Variants in VPS53 observed in about 807,000 individuals in gnomAD.
The protein encoded by VPS53 is VPS53 subunit of GARP complex.
In VPS53, 70 loss-of-function variants were observed where a neutral mutation model predicts 107.0. The ratio of observed to expected loss-of-function variants is 0.65; its 90% confidence interval spans 0.54 to 0.80. The LOEUF (loss-of-function observed/expected upper bound fraction) is 0.80. Among genes scored for constraint, VPS53 ranks in the 30% least tolerant of loss-of-function variants. VPS53 has a pLI of 0.00. For synonymous variants in VPS53, 409 were observed against 393.3 expected (o/e 1.04, Z -0.47); for missense variants, 917 against 1,049.4 (o/e 0.87, Z 1.74).
intron 18 of VPS53, among the ~76,000 whole-genome samples, chr17:535,843 C>G (rs1910017109): frequency 6.6e-6 from 1 of 152,138 alleles, no homozygotes; most frequent in African/African-American, 2.4e-5. Flanking sequence ...CCACAAGCCG[C>G]TCCATAATTG....
At chr17:546,979 A>C (rs1301182564) in intron 17 of VPS53, among the ~76,000 whole-genome samples, 2 of 144,488 alleles carry the variant, frequency 1.4e-5, no homozygotes, top group East Asian at 4.1e-4. Flanking sequence ...GGTTCAAGCC[A>C]TTCTCCTGTC....
At chr17:609,746 A>G (rs1490395686) in intron 11 of VPS53, among the ~76,000 whole-genome samples, 2 of 152,234 alleles carry the variant, frequency 1.3e-5, no homozygotes, top group Non-Finnish European at 2.9e-5. Flanking sequence ...TGTCGTAAGA[A>G]AATCATCTCA....
Position 521,605 on chromosome 17 carries a change from A to C in VPS53, c.2219T>G (p.Leu740Arg). ...VKGMTRAEMI[L>R]KVVMAPHEPL... ...CCTTTTAACACAAGCCATCACCTTG[A>C]GGATCATCTCAGCCCGGGTCATGCC... The change falls in exon 20 of 22, where the codon CTC becomes CGC. Residue 740 changes from leucine (L) to arginine (R), a missense_variant. Leu to Arg is a moderately radical substitution (Grantham distance 102). Coordinates refer to ENST00000437048, the MANE Select transcript of VPS53 (RefSeq NM_001128159.3). 6.5e-7 allele frequency: 1 copy of C among 1,542,366 alleles called. No homozygotes were observed.
intron 12 of VPS53, among the ~76,000 whole-genome samples, chr17:592,067 T>G (rs1389999439): frequency 6.6e-6 from 1 of 152,208 alleles, no homozygotes; most frequent in Non-Finnish European, 1.5e-5. Flanking sequence ...TTTATGAATC[T>G]GGGTGCTCCT....
At chr17:625,113 C>G (rs1969645674) in intron 10 of VPS53, among the ~76,000 whole-genome samples, 1 of 151,830 alleles carries the variant, frequency 6.6e-6, no homozygotes, top group Admixed American at 6.6e-5. Flanking sequence ...CTCAGCCTCT[C>G]TAGTAGCTGG....
At chr17:656,699 AATGTGT>A (rs754390654) in intron 5 of VPS53, 12 of 495,646 alleles carry the variant, frequency 2.4e-5, no homozygotes, top group South Asian at 6.6e-5. Context: ...CTGACTAAGA[AATGTGT>A]GTGTGTGTGT....
intron 4 of VPS53, among the ~76,000 whole-genome samples, chr17:680,804 C>T (rs947074015): frequency 6.6e-6 from 1 of 152,174 alleles, no homozygotes; most frequent in African/African-American, 2.4e-5. Flanking sequence ...TGAACAGATA[C>T]ACTATGTAAA....
chr17:589,155 T>C (rs1259948377), intron 12 of VPS53, among the ~76,000 whole-genome samples: 1 of 151,966 alleles, frequency 6.6e-6, no homozygotes, highest in East Asian at 1.9e-4. Context: ...TAATTATACA[T>C]GTGAATTTAC....
At chr17:706,772 C>A (rs1973419679) in intron 2 of VPS53, among the ~76,000 whole-genome samples, 1 of 152,038 alleles carries the variant, frequency 6.6e-6, no homozygotes, top group South Asian at 2.1e-4. Context: ...TACTTTCATG[C>A]CCTCAGGTAC....
chr17:515,003 T>G lies in VPS53; in HGVS notation c.*4125A>C, dbSNP rs1236609282. ...AGTCCACACAGGATGTTCTCTGGCC[T>G]GGACACCGCTAAGCCAGCTTTCAGA... On this transcript the variant is annotated 3_prime_UTR_variant, in exon 22 of 22. Transcript: ENST00000437048. The G allele has an allele frequency of 1.3e-5, 2 of 152,240 alleles. No homozygotes were observed. The highest frequency in any genetic ancestry group is 4.8e-5 in the African/African-American group (2 of 41,444). 9.4% of individuals were successfully genotyped at this position (152,240 alleles called of 1,614,324 possible).
intron 15 of VPS53, among the ~76,000 whole-genome samples, chr17:556,542 T>C (rs1597294172): frequency 1.3e-5 from 2 of 152,294 alleles, no homozygotes; most frequent in East Asian, 1.9e-4. Flanking sequence ...TGTGGTTTGA[T>C]TGTGTTCTCC....
intron 2 of VPS53, among the ~76,000 whole-genome samples, chr17:709,884 C>T (rs1159295088): frequency 1.3e-5 from 2 of 152,150 alleles, no homozygotes; most frequent in African/African-American, 4.8e-5. Flanking sequence ...CAGTGGCTCA[C>T]GCCTGTAATC....
At chr17:702,168 C>T (rs1040271945) in intron 2 of VPS53, among the ~76,000 whole-genome samples, 2 of 152,008 alleles carry the variant, frequency 1.3e-5, no homozygotes, top group African/African-American at 2.4e-5. Flanking sequence ...ACCTGGACAA[C>T]GTGGTGAAAC....
chr17:696,091 G>T (rs766894837), intron 4 of VPS53, among the ~76,000 whole-genome samples: 10 of 152,146 alleles, frequency 6.6e-5, no homozygotes, highest in Non-Finnish European at 1.3e-4. Flanking sequence ...AAAAATACAG[G>T]AGTCCAGAAA....
At chr17:677,946 G>A (rs891638348) in intron 4 of VPS53, among the ~76,000 whole-genome samples, 7 of 151,792 alleles carry the variant, frequency 4.6e-5, no homozygotes, top group East Asian at 1.9e-4. Context: ...AGCAAAACCC[G>A]GATTCCACGA....
chr17:657,083 T>C (rs2143544707), intron 5 of VPS53: 1 of 1,000,238 alleles, frequency 1.0e-6, no homozygotes, highest in Non-Finnish European at 1.6e-6. Flanking sequence ...ATCGGTCATC[T>C]TGCCAGTCTC....
intron 5 of VPS53, among the ~76,000 whole-genome samples, chr17:660,347 C>A (rs1286445882): frequency 2.0e-5 from 3 of 152,188 alleles, no homozygotes; most frequent in Non-Finnish European, 2.9e-5. Flanking sequence ...ACTGCTGGCA[C>A]TGAAAGAGCT....
In VPS53 at chr17:511,535, G is replaced by A. The variant is rs992582894; in HGVS notation, c.*7593C>T. On this transcript the variant is annotated 3_prime_UTR_variant, in exon 22 of 22. Coordinates refer to ENST00000437048, the MANE Select transcript of VPS53 (RefSeq NM_001128159.3). ...ATTTTAACATCTCATATTGCCCCAG[G>A]TTCTCTGAGTCAACACCCTCAAAGG... 7 of 152,156 alleles carry A rather than the reference G, an allele frequency of 4.6e-5. No individual in the cohort carries two copies. The highest frequency in any genetic ancestry group is 4.6e-4 in the Admixed American group (7 of 15,264). The allele number at this position is 152,156 out of a possible 1,614,324, so 9.4% of individuals were successfully genotyped here. A position where few individuals can be genotyped will look rare whatever the true frequency, so the allele number is the denominator to read the frequency against.
intron 18 of VPS53, among the ~76,000 whole-genome samples, chr17:536,264 G>A (rs1395328611): frequency 1.3e-5 from 2 of 151,958 alleles, no homozygotes; most frequent in African/African-American, 4.8e-5. Flanking sequence ...TGCCTTCCTC[G>A]GACCAAGAGT....
Sources: allele counts gnomAD v4.1 joint callset (sites outside exome capture counted in the v4.1 genomes callset), GRCh38; gene constraint gnomAD v4.1.1; transcripts MANE v1.5; gene names NCBI Gene and HGNC (gene_info 2026-07-23, HGNC 2026-07-21).